Variants in HOXD11 observed in about 807,000 individuals in gnomAD.
HOXD11 encodes homeobox protein Hox-D11.
HOXD11 carries 16 observed loss-of-function variants against 23.1 expected under a neutral mutation model. That is an observed-to-expected ratio of 0.69 (90% confidence interval 0.47 to 1.05). HOXD11 has a LOEUF of 1.05. HOXD11 is among the 50% of genes least tolerant of loss of function. The probability of loss-of-function intolerance (pLI) is 0.00; values close to 1 mark genes in which losing one functional copy is unlikely to be tolerated. For synonymous variants in HOXD11, 262 were observed against 224.4 expected (o/e 1.17, Z -1.50); for missense variants, 564 against 495.6 (o/e 1.14, Z -1.31).
downstream of HOXD11, among the ~76,000 whole-genome samples, chr2:176,112,325 C>A (rs1481047603): frequency 1.3e-5 from 2 of 152,216 alleles, no homozygotes; most frequent in African/African-American, 4.8e-5. Context: ...TGTCCCCGTT[C>A]GGAGTTCACA....
chr2:176,107,674 T>C lies in HOXD11; in HGVS notation c.319T>C (p.Tyr107His). Reference sequence around the variant, plus strand: ...CGGCGCGGGGGGCTACGCTCCCTACTACGCGGCGGCGGCGGCGGCGGCTGC... The same window carrying C: ...CGGCGCGGGGGGCTACGCTCCCTACCACGCGGCGGCGGCGGCGGCGGCTGC... ...GGGAGGYAPYYAAAAAAAAAA... is the reference protein window; with the variant it reads ...GGGAGGYAPYHAAAAAAAAAA... Residue 107 changes from tyrosine (Y) to histidine (H), a missense_variant, in exon 1 of 2, where the codon TAC (tyrosine) becomes CAC (histidine). Transcript: ENST00000249504. The C allele has an allele frequency of 1.0e-6, 1 of 979,746 alleles. No homozygotes were observed. Among genetic ancestry groups the C allele is most frequent in the Non-Finnish European group, 1.2e-6 (1 of 826,564 alleles). 60.7% of individuals were successfully genotyped at this position (979,746 alleles called of 1,614,324 possible). A position where few individuals can be genotyped will look rare whatever the true frequency, so the allele number is the denominator to read the frequency against.
At chr2:176,114,146 G>A (rs772303929), downstream of HOXD11, among the ~76,000 whole-genome samples, 1 of 152,244 alleles carries the variant, frequency 6.6e-6, no homozygotes, top group Non-Finnish European at 1.5e-5. Context: ...GGAGCGCCAA[G>A]CTAGTGTCAG....
In HOXD11 at chr2:176,108,032, C is replaced by T. The variant is rs1215122799; in HGVS notation, c.677C>T (p.Thr226Ile). The T allele has an allele frequency of 1.3e-6, 2 of 1,492,396 alleles. No individual in the cohort carries two copies. The highest frequency in any genetic ancestry group is 2.3e-4 in the Middle Eastern group (1 of 4,272). The allele number at this position is 1,492,396 out of a possible 1,614,324, so 92.4% of individuals were successfully genotyped here. Residue 226 changes from threonine to isoleucine, a missense_variant, in exon 1 of 2, where the codon ACC (threonine) becomes ATC (isoleucine). Thr to Ile is a moderately conservative substitution (Grantham distance 89). Transcript: ENST00000249504. ...GAGGGGGSPC[T>I]KATPGSEPKG... ...GGTGGCGGCGGGGGCAGTCCCTGCACCAAGGCGACCCCTGGCTCGGAGCCC... is the reference window on the plus strand; with the variant it reads ...GGTGGCGGCGGGGGCAGTCCCTGCATCAAGGCGACCCCTGGCTCGGAGCCC...
intron 1 of HOXD11, 92 bp downstream of exon 1, chr2:176,108,228 T>C (rs1215488264): frequency 1.3e-6 from 1 of 793,502 alleles, no homozygotes; most frequent in East Asian, 3.4e-5. Flanking sequence ...CCTTTTTATG[T>C]GCTACTTTAT....
chr2:176,108,418 G>C (rs1322904630), intron 1 of HOXD11, among the ~76,000 whole-genome samples: 1 of 147,596 alleles, frequency 6.8e-6, no homozygotes, highest in African/African-American at 2.5e-5. Flanking sequence ...GGGAGGGAGG[G>C]AGGGAGATTT....
In HOXD11 at chr2:176,108,156, CA is replaced by C; in HGVS notation, c.781+22del. On this transcript the variant is annotated intron_variant, in intron 1 of 1. Transcript: ENST00000249504. ...GCGCAGGTAGGCACCGGGTACTGGGCAAGCGGTGGGCCCGGGGGCCGCGGGG... is the reference window on the plus strand; with the variant it reads ...GCGCAGGTAGGCACCGGGTACTGGGCAGCGGTGGGCCCGGGGGCCGCGGGG... 1 of 625,066 alleles carries C rather than the reference CA, an allele frequency of 1.6e-6. No individual in the cohort carries two copies. Among genetic ancestry groups the C allele is most frequent in the African/African-American group, 3.4e-5 (1 of 29,306 alleles). The allele number at this position is 625,066 out of a possible 1,614,324, so 38.7% of individuals were successfully genotyped here.
At chr2:176,108,581 C>T (rs1411705696) in intron 1 of HOXD11, among the ~76,000 whole-genome samples, 1 of 152,036 alleles carries the variant, frequency 6.6e-6, no homozygotes, top group African/African-American at 2.4e-5. Flanking sequence ...CCCCGGCGGG[C>T]CTGCTCTTGT....
Position 176,108,067 on chromosome 2 carries a change from G to A in HOXD11, c.712G>A (p.Ala238Thr). 2.0e-6 allele frequency: 3 copies of A among 1,481,334 alleles called. No individual in the cohort carries two copies. The highest frequency in any genetic ancestry group is 5.6e-5 in the East Asian group (2 of 35,580). The allele number at this position is 1,481,334 out of a possible 1,614,324, so 91.8% of individuals were successfully genotyped here. Residue 238 changes from alanine (A) to threonine (T), a missense_variant, in exon 1 of 2, where the codon GCA becomes ACA. By Grantham distance (58) the Ala-to-Thr change is moderately conservative. Coordinates refer to ENST00000249504, the MANE Select transcript of HOXD11 (RefSeq NM_021192.3). ...ATPGSEPKGA[A>T]EGSGGDGEGP... ...CCCTGGCTCGGAGCCCAAGGGGGCA[G>A]CAGAAGGCAGCGGTGGCGACGGCGA...
At chr2:176,114,207 G>C (rs927459417), downstream of HOXD11, among the ~76,000 whole-genome samples, 2 of 152,240 alleles carry the variant, frequency 1.3e-5, no homozygotes, top group African/African-American at 2.4e-5. Context: ...CTTTGGGCAC[G>C]CTTAGCCCTG....
downstream of HOXD11, among the ~76,000 whole-genome samples, chr2:176,113,501 A>G (rs1433328840): frequency 1.3e-5 from 2 of 152,228 alleles, no homozygotes; most frequent in African/African-American, 4.8e-5. Flanking sequence ...TCTAAAGATG[A>G]TGGAAAACAT....
Position 176,107,952 on chromosome 2 carries a change from C to A in HOXD11, c.597C>A (p.Pro199=), listed in dbSNP as rs1192045664. Reference sequence around the variant, plus strand: ...CCGGGCCGCAGCCCCCGCCGCCACCCGCGCCGCCACAGCCCGAGGGCGCAG... The same window carrying A: ...CCGGGCCGCAGCCCCCGCCGCCACCAGCGCCGCCACAGCCCGAGGGCGCAG... ...PFAGPQPPPP[P]APPQPEGAAD... is the part of the protein sequence containing the mutation. The change falls in exon 1 of 2, where the codon CCC becomes CCA. Residue 199 remains proline, a synonymous_variant. Transcript: ENST00000249504. The A allele has an allele frequency of 7.1e-7, 1 of 1,399,034 alleles. No individual in the cohort carries two copies. Among genetic ancestry groups the A allele is most frequent in the Non-Finnish European group, 9.2e-7 (1 of 1,081,096 alleles). 86.7% of individuals were successfully genotyped at this position (1,399,034 alleles called of 1,614,324 possible).
Position 176,108,148 on chromosome 2 carries a change from GTACT to G in HOXD11, c.781+13_781+16del. 1 of 1,297,166 alleles carries G rather than the reference GTACT, an allele frequency of 7.7e-7. No individual in the cohort carries two copies. Among genetic ancestry groups the G allele is most frequent in the Admixed American group, 4.0e-5 (1 of 25,054 alleles). The allele number at this position is 1,297,166 out of a possible 1,614,324, so 80.4% of individuals were successfully genotyped here. A position where few individuals can be genotyped will look rare whatever the true frequency, so the allele number is the denominator to read the frequency against. ...GAGCAGCAGCGCAGGTAGGCACCGG[GTACT>G]GGGCAAGCGGTGGGCCCGGGGGCCG... On this transcript the variant is annotated intron_variant, in intron 1 of 1. Coordinates refer to ENST00000249504, the MANE Select transcript of HOXD11 (RefSeq NM_021192.3).
chr2:176,112,404 A>G (rs1689690106), downstream of HOXD11, among the ~76,000 whole-genome samples: 1 of 152,124 alleles, frequency 6.6e-6, no homozygotes, highest in Non-Finnish European at 1.5e-5. Flanking sequence ...TCCCTCCCCG[A>G]AGTTCATTGT....
At chr2:176,110,808 C>G (rs753719704), downstream of HOXD11, among the ~76,000 whole-genome samples, 3 of 152,204 alleles carry the variant, frequency 2.0e-5, no homozygotes, top group Non-Finnish European at 4.4e-5. Flanking sequence ...ATTTCAGGAT[C>G]AATAACCTTA....
chr2:176,113,773 T>A (rs1197775301), downstream of HOXD11, among the ~76,000 whole-genome samples: 1 of 152,320 alleles, frequency 6.6e-6, no homozygotes, highest in East Asian at 1.9e-4. Flanking sequence ...GAGAACAGAT[T>A]CAAAATTATG....
At chr2:176,112,219 G>A (rs1425097798), downstream of HOXD11, among the ~76,000 whole-genome samples, 1 of 152,216 alleles carries the variant, frequency 6.6e-6, no homozygotes, top group African/African-American at 2.4e-5. Context: ...GCTGCACGCC[G>A]GTCTTGAGCA....
rs1001720766 is a variant in HOXD11 at position 176,109,059 on chromosome 2, A to C, written c.934A>C (p.Ile312Leu). Residue 312 changes from isoleucine (I) to leucine (L), a missense_variant, in exon 2 of 2, where the codon ATC becomes CTC. Coordinates refer to ENST00000249504, the MANE Select transcript of HOXD11 (RefSeq NM_021192.3). ...CAACCTCACTGACCGGCAAGTCAAA[A>C]TCTGGTTCCAGAATCGCAGGATGAA... ...MLNLTDRQVK[I>L]WFQNRRMKEK... 1.9e-6 allele frequency: 3 copies of C among 1,614,202 alleles called. No homozygotes were observed. The highest frequency in any genetic ancestry group is 2.7e-5 in the African/African-American group (2 of 75,060).
At chr2:176,108,656 G>GCTCT (rs1473991298) in intron 1 of HOXD11, 2 of 274,174 alleles carry the variant, frequency 7.3e-6, no homozygotes, top group Non-Finnish European at 1.3e-5. Context: ...TCCGTGCCAG[G>GCTCT]CTCTGTGTGT....
chr2:176,110,574 T>G (rs995776473), downstream of HOXD11, among the ~76,000 whole-genome samples: 2 of 152,222 alleles, frequency 1.3e-5, no homozygotes, highest in Non-Finnish European at 2.9e-5. Context: ...AAGCCTTATT[T>G]GGGAAGGAAA....
Sources: gnomAD v4.1 joint callset for allele counts (sites outside exome capture counted in the v4.1 genomes callset) on GRCh38, gnomAD v4.1.1 for gene constraint, MANE v1.5 for transcripts, NCBI Gene and HGNC (gene_info 2026-07-23, HGNC 2026-07-21) for gene names.